Variants in GADL1 observed in about 807,000 individuals in gnomAD.
The protein encoded by GADL1 is GAD like acidic amino acid decarboxylase 1, also known as acidic amino acid decarboxylase GADL1.
In GADL1, 71 loss-of-function variants were observed where a neutral mutation model predicts 69.5. The observed-to-expected ratio is 1.02, with a 90% CI of 0.84 to 1.25. The LOEUF (loss-of-function observed/expected upper bound fraction) is 1.25. Ranked by LOEUF, GADL1 falls within the 50% of genes most tolerant of loss-of-function variation. The probability of loss-of-function intolerance (pLI) is 0.00; values close to 1 mark genes in which losing one functional copy is unlikely to be tolerated. For missense variants in GADL1, 737 were observed against 631.8 expected (o/e 1.17, Z -1.79); for synonymous variants, 254 against 214.4 (o/e 1.18, Z -1.62).
chr3:30,759,947 TGAA>T (rs776334184), intron 14 of GADL1, among the ~76,000 whole-genome samples: 76 of 152,262 alleles, frequency 5.0e-4, no homozygotes, highest in Non-Finnish European at 7.9e-4. Flanking sequence ...CTCAGTAAGT[TGAA>T]GAAAGATTCA....
chr3:30,751,653 A>G (rs1207968333), intron 14 of GADL1, among the ~76,000 whole-genome samples: 2 of 152,118 alleles, frequency 1.3e-5, no homozygotes, highest in East Asian at 1.9e-4. Context: ...TTGAGGAATT[A>G]TCTCCCTATA....
intron 14 of GADL1, among the ~76,000 whole-genome samples, chr3:30,762,796 G>GT (rs995701831): frequency 3.3e-5 from 5 of 151,958 alleles, no homozygotes; most frequent in African/African-American, 1.2e-4. Flanking sequence ...AGTCTCAATT[G>GT]TTTTTGATTT....
At chr3:30,883,639 C>G (rs1047243269) in intron 1 of GADL1, among the ~76,000 whole-genome samples, 1 of 151,880 alleles carries the variant, frequency 6.6e-6, no homozygotes, top group African/African-American at 2.4e-5. Flanking sequence ...CCTTGAAATG[C>G]CATGTGAATT....
chr3:30,892,947 C>T (rs1698803665), intron 1 of GADL1, among the ~76,000 whole-genome samples: 1 of 152,218 alleles, frequency 6.6e-6, no homozygotes, highest in South Asian at 2.1e-4. Context: ...GGCTCCGCCT[C>T]CCAGGTTCAA....
intron 12 of GADL1, among the ~76,000 whole-genome samples, chr3:30,795,867 CTAT>C (rs781431933): frequency 3.3e-5 from 5 of 152,030 alleles, no homozygotes; most frequent in Non-Finnish European, 5.9e-5. Flanking sequence ...GGCAAAAAAA[CTAT>C]TATGAGTAAC....
chr3:30,851,000 G>T, intron 4 of GADL1, 59 bp from the exon 5 acceptor site: 2 of 1,026,112 alleles, frequency 1.9e-6, no homozygotes, highest in Non-Finnish European at 2.9e-6. Flanking sequence ...TTCCTTTGGT[G>T]TCCCAAGAAA....
intron 14 of GADL1, among the ~76,000 whole-genome samples, chr3:30,771,314 C>T (rs766109781): frequency 6.6e-6 from 1 of 152,108 alleles, no homozygotes; most frequent in African/African-American, 2.4e-5. Context: ...AACTGATAAC[C>T]ATTAGAATGC....
intron 14 of GADL1, among the ~76,000 whole-genome samples, chr3:30,759,179 C>T (rs1285381708): frequency 6.6e-6 from 1 of 152,198 alleles, no homozygotes; most frequent in East Asian, 1.9e-4. Flanking sequence ...GCAGAAGCAG[C>T]AGCTCCCTGG....
chr3:30,759,759 G>A (rs1461076), intron 14 of GADL1, among the ~76,000 whole-genome samples: 117,798 of 152,064 alleles, frequency 0.77, 46,034 homozygotes, highest in South Asian at 0.82. Context: ...CTGCCACTGG[G>A]TTTGTGCATA....
chr3:30,844,515 C>A (rs1559359122), intron 6 of GADL1, 49 bp from the exon 7 acceptor site: 21 of 1,158,914 alleles, frequency 1.8e-5, no homozygotes, highest in Admixed American at 1.1e-4. Context: ...AAACATAGCA[C>A]AAAAAAAGCA....
chr3:30,800,804 TAGAC>T (rs1463834141), intron 12 of GADL1, 81 bp downstream of exon 12: 51 of 961,116 alleles, frequency 5.3e-5, no homozygotes, highest in East Asian at 3.7e-4. Flanking sequence ...CAGACACAGA[TAGAC>T]ACACACACAC....
intron 14 of GADL1, among the ~76,000 whole-genome samples, chr3:30,734,521 T>C (rs1648780735): frequency 6.6e-6 from 1 of 152,190 alleles, no homozygotes; most frequent in South Asian, 2.1e-4. Context: ...CCAGGCAGGT[T>C]GTTACTAAAT....
chr3:30,806,855 G>T (rs139889541), intron 11 of GADL1, among the ~76,000 whole-genome samples: 1 of 152,164 alleles, frequency 6.6e-6, no homozygotes, highest in Non-Finnish European at 1.5e-5. Flanking sequence ...AAGTCACCAC[G>T]CATCTTAAAT....
At chr3:30,850,477 C>A (rs1221626517) in intron 5 of GADL1, among the ~76,000 whole-genome samples, 1 of 151,868 alleles carries the variant, frequency 6.6e-6, no homozygotes, top group East Asian at 1.9e-4. Context: ...TGGTCTCTGG[C>A]TACAAAAAAG....
intron 1 of GADL1, among the ~76,000 whole-genome samples, chr3:30,883,207 C>T (rs1025942879): frequency 2.6e-5 from 4 of 151,818 alleles, no homozygotes; most frequent in African/African-American, 9.7e-5. Flanking sequence ...GGTGTCATAT[C>T]CAATAAATCA....
At chr3:30,815,835 A>G (rs935424571) in intron 11 of GADL1, among the ~76,000 whole-genome samples, 8 of 152,158 alleles carry the variant, frequency 5.3e-5, no homozygotes, top group Non-Finnish European at 1.0e-4. Context: ...ATTACCTGCC[A>G]TCTTGTTTTA....
chr3:30,880,705 T>C (rs895981529), intron 1 of GADL1, among the ~76,000 whole-genome samples: 2 of 151,892 alleles, frequency 1.3e-5, no homozygotes, highest in African/African-American at 4.8e-5. Flanking sequence ...TTGAGCATCT[T>C]GTGGAGGATT....
chr3:30,763,664 G>A (rs528648448), intron 14 of GADL1, among the ~76,000 whole-genome samples: 155 of 152,194 alleles, frequency 1.0e-3, no homozygotes, highest in Non-Finnish European at 1.8e-3. Flanking sequence ...ATAGTGTTGC[G>A]TATCTCAGAA....
intron 4 of GADL1, among the ~76,000 whole-genome samples, chr3:30,853,579 C>T (rs1698183182): frequency 6.6e-6 from 1 of 152,128 alleles, no homozygotes; most frequent in Non-Finnish European, 1.5e-5. Context: ...AAATGTAATG[C>T]TTGCTCTTGC....
Sources: gnomAD v4.1 joint callset for allele counts (sites outside exome capture counted in the v4.1 genomes callset) on GRCh38, gnomAD v4.1.1 for gene constraint, MANE v1.5 for transcripts, NCBI Gene and HGNC (gene_info 2026-07-23, HGNC 2026-07-21) for gene names.